GPM6B: variants seen among roughly 807,000 people sequenced by gnomAD.
The protein encoded by GPM6B is neuronal membrane glycoprotein M6-b.
Under a neutral mutation model 27.2 loss-of-function variants are expected in GPM6B, and 4 were observed. The observed-to-expected ratio is 0.15, with a 90% CI of 0.07 to 0.34. The LOEUF is 0.34. Among genes scored for constraint, GPM6B ranks in the 10% least tolerant of loss-of-function variants. The pLI is 1.00. For missense variants in GPM6B, 183 were observed against 261.9 expected, an observed-to-expected ratio of 0.70 and a Z score of 2.08; for synonymous variants, 124 against 103.1, an observed-to-expected ratio of 1.20 and a Z score of -1.23.
At chrX:13,776,122 G>C (rs1357431697) in intron 7 of GPM6B, 116 bp downstream of exon 7, 1 of 579,745 alleles carries the variant, frequency 1.7e-6, no homozygotes, top group African/African-American at 2.3e-5. Flanking sequence ...AGTTAACCAA[G>C]GTTGAGTGCC....
intron 1 of GPM6B, among the ~76,000 whole-genome samples, chrX:13,919,165 C>T (rs1041868620): frequency 2.7e-5 from 3 of 111,689 alleles, no homozygotes; most frequent in African/African-American, 9.8e-5. Flanking sequence ...AGTTTCCTGA[C>T]TGGCCAATAT....
At chrX:13,892,217 C>T (rs769811234) in intron 1 of GPM6B, among the ~76,000 whole-genome samples, 1 of 111,790 alleles carries the variant, frequency 8.9e-6, no homozygotes, top group Admixed American at 9.5e-5. Context: ...CGGTTGTCCA[C>T]GTAGCTGAAT....
intron 2 of GPM6B, among the ~76,000 whole-genome samples, chrX:13,800,664 C>G (rs2048904736): frequency 8.9e-6 from 1 of 111,905 alleles, no homozygotes; most frequent in Non-Finnish European, 1.9e-5. Context: ...CATATACATA[C>G]ACAGGCTGAA....
At chrX:13,881,013 T>TGTTCTAGAGAC (rs1231999035) in intron 1 of GPM6B, among the ~76,000 whole-genome samples, 1 of 111,816 alleles carries the variant, frequency 8.9e-6, no homozygotes, top group East Asian at 2.8e-4. Flanking sequence ...CATGTTAACC[T>TGTTCTAGAGAC]GTTCTAGAGA....
At chrX:13,801,014 T>C (rs961692989) in intron 2 of GPM6B, among the ~76,000 whole-genome samples, 3 of 106,595 alleles carry the variant, frequency 2.8e-5, no homozygotes, top group East Asian at 2.9e-4. Context: ...GCGATTCCGA[T>C]TCAGGGCATT....
chrX:13,819,850 AGAGTT>A (rs1452714857), upstream of GPM6B, among the ~76,000 whole-genome samples: 1 of 112,273 alleles, frequency 8.9e-6, no homozygotes, highest in Non-Finnish European at 1.9e-5. Flanking sequence ...AAAGCTTTGC[AGAGTT>A]GAGTTGGCTA....
In GPM6B at chrX:13,782,757, C is replaced by CAAA. The variant is rs36124855; in HGVS notation, c.525+605_525+607dup. Among the ~76,000 whole-genome samples, 156 of 31,135 alleles carry CAAA rather than the reference C, an allele frequency of 5.0e-3. 4 individuals are homozygous for CAAA. The highest frequency in any genetic ancestry group is 0.017 in the African/African-American group (152 of 8,788). 27.0% of individuals were successfully genotyped at this position (31,135 alleles called of 115,157 possible). A position where few individuals can be genotyped will look rare whatever the true frequency, so the allele number is the denominator to read the frequency against. On this transcript the variant is annotated intron_variant, in intron 4 of 7. Coordinates refer to ENST00000316715, the MANE Select transcript of GPM6B (RefSeq NM_001001995.3). ...TTGGAGACAGAGTGATGCTCCGTCT[C>CAAA]AAAAAAAAAAAAAAAAGAAAAAAAA... is the stretch of plus-strand genomic sequence containing the variant.
At chrX:13,796,362 C>T (rs898255267) in intron 2 of GPM6B, among the ~76,000 whole-genome samples, 3 of 112,347 alleles carry the variant, frequency 2.7e-5, no homozygotes, top group Non-Finnish European at 5.6e-5. Context: ...AGCCACCATG[C>T]CCAGCCCTCA....
intron 1 of GPM6B, among the ~76,000 whole-genome samples, chrX:13,866,542 T>C (rs954527093): frequency 5.3e-5 from 6 of 112,252 alleles, no homozygotes; most frequent in South Asian, 7.4e-4. Flanking sequence ...AAGTGATGGA[T>C]ATACCAATTA....
intron 1 of GPM6B, among the ~76,000 whole-genome samples, chrX:13,825,611 C>G (rs2049363551): frequency 8.9e-6 from 1 of 112,854 alleles, no homozygotes; most frequent in South Asian, 3.6e-4. Flanking sequence ...TTCCGATGTC[C>G]TTGCCAGCAT....
At chrX:13,822,208 G>A (rs1000389903), upstream of GPM6B, among the ~76,000 whole-genome samples, 2 of 111,098 alleles carry the variant, frequency 1.8e-5, no homozygotes, top group African/African-American at 6.6e-5. Flanking sequence ...CTTCCTTATT[G>A]CCCCTCAAAG....
chrX:13,850,561 TC>T (rs1431018872), intron 1 of GPM6B, among the ~76,000 whole-genome samples: 1 of 112,658 alleles, frequency 8.9e-6, no homozygotes, highest in Non-Finnish European at 1.9e-5. Context: ...AGTTACTAAT[TC>T]AAGCCTTAAA....
At chrX:13,938,558 C>T (rs1921967282), upstream of GPM6B, 12 of 842,293 alleles carry the variant, frequency 1.4e-5, no homozygotes, top group East Asian at 2.0e-4. Context: ...GTTCGGGCTC[C>T]CCGGGGACGG....
At chrX:13,897,987 TTAGAG>T (rs1429906442) in intron 1 of GPM6B, among the ~76,000 whole-genome samples, 1 of 112,365 alleles carries the variant, frequency 8.9e-6, no homozygotes, top group Non-Finnish European at 1.9e-5. Context: ...CCCATATCAG[TTAGAG>T]TAATCTATTA....
At chrX:13,777,563 G>A in intron 5 of GPM6B, 138 bp from the exon 6 acceptor site, 1 of 460,455 alleles carries the variant, frequency 2.2e-6, no homozygotes. Context: ...TCTGCTGTCT[G>A]CAGAACAAGC....
intron 1 of GPM6B, among the ~76,000 whole-genome samples, chrX:13,844,986 C>CTTTTTTTT (rs200629548): frequency 5.1e-5 from 5 of 98,241 alleles, no homozygotes; most frequent in Admixed American, 1.1e-4. Context: ...AACGTTTTTT[C>CTTTTTTTT]TTTTTCTTTT....
chrX:13,775,633 T>G (rs927087487), intron 7 of GPM6B, among the ~76,000 whole-genome samples: 7 of 111,834 alleles, frequency 6.3e-5, no homozygotes, highest in East Asian at 5.6e-4. Context: ...AATTCAATAT[T>G]AAGGAATCAA....
At position 13,905,242 on chromosome X, in the gene GPM6B, A is replaced by AAAAAAG. The variant is rs1300353393; in HGVS notation, c.-198+33084_-198+33085insCTTTTT. Among the ~76,000 whole-genome samples, 94 of 107,846 alleles carry AAAAAAG rather than the reference A, an allele frequency of 8.7e-4. 1 individual carries two copies. The highest frequency in any genetic ancestry group is 1.7e-3 in the Non-Finnish European group (87 of 52,336). 93.7% of individuals were successfully genotyped at this position (107,846 alleles called of 115,157 possible). On this transcript the variant is annotated intron_variant, in intron 1 of 6. Transcript: ENST00000398361. ...TGAGGCCCTGTCTCAAAAAAAAAAAAAAAAGAAAAGAAAAGAAAAGAAAAA... is the reference window on the plus strand; with the variant it reads ...TGAGGCCCTGTCTCAAAAAAAAAAAAAAAAAGAAAAGAAAAGAAAAGAAAAGAAAAA...
chrX:13,888,729 GA>G (rs886135040), intron 1 of GPM6B, among the ~76,000 whole-genome samples: 23 of 110,304 alleles, frequency 2.1e-4, no homozygotes, highest in Non-Finnish European at 1.7e-4. Context: ...AAATGAAGTA[GA>G]AAAAAAATGT....
Sources: allele counts gnomAD v4.1 joint callset (sites outside exome capture counted in the v4.1 genomes callset), GRCh38; gene constraint gnomAD v4.1.1; transcripts MANE v1.5; gene names NCBI Gene and HGNC (gene_info 2026-07-23, HGNC 2026-07-21).